Variants in CNTLN observed in about 807,000 individuals in gnomAD.
The protein encoded by CNTLN is centlein.
A neutral mutation model predicts 180.0 loss-of-function variants in CNTLN; 212 were observed. That is an observed-to-expected ratio of 1.18 (90% CI 1.05 to 1.32). The LOEUF (loss-of-function observed/expected upper bound fraction) is 1.32, where lower values mean the gene tolerates loss of function less well. CNTLN is among the 40% of genes most tolerant of loss of function. The pLI is 0.00. For synonymous variants in CNTLN, 722 were observed against 563.1 expected (o/e 1.28, Z -3.99); for missense variants, 2,095 against 1,610.9 (o/e 1.30, Z -5.14).
intron 5 of CNTLN, among the ~76,000 whole-genome samples, chr9:17,243,960 A>G (rs1283245215): frequency 2.0e-5 from 3 of 151,912 alleles, no homozygotes; most frequent in Non-Finnish European, 4.4e-5. Flanking sequence ...AGCTATAATA[A>G]TATTTTCTTT....
At chr9:17,505,881 A>G (rs538222554), downstream of CNTLN, among the ~76,000 whole-genome samples, 3 of 152,128 alleles carry the variant, frequency 2.0e-5, no homozygotes, top group Non-Finnish European at 4.4e-5. Context: ...GGTGTATTAA[A>G]TAGCTACACT....
intron 5 of CNTLN, among the ~76,000 whole-genome samples, chr9:17,270,190 C>G (rs910075572): frequency 2.6e-5 from 4 of 151,954 alleles, no homozygotes; most frequent in African/African-American, 9.6e-5. Flanking sequence ...TAATATAAAA[C>G]CAGTTTGTTC....
chr9:17,472,187 C>T (rs1832074465), intron 23 of CNTLN, among the ~76,000 whole-genome samples: 1 of 152,086 alleles, frequency 6.6e-6, no homozygotes, highest in South Asian at 2.1e-4. Context: ...GCTTATACTT[C>T]ATTTAGGTAC....
chr9:17,433,038 A>AC (rs34473628), intron 18 of CNTLN, among the ~76,000 whole-genome samples: 8 of 150,500 alleles, frequency 5.3e-5, no homozygotes. Context: ...AAAAAAAAAA[A>AC]CAAAGATTAG....
chr9:17,522,582 C>T, the CNTLN span, among the ~76,000 whole-genome samples: 1 of 152,214 alleles, frequency 6.6e-6, no homozygotes, highest in East Asian at 1.9e-4. Context: ...TTTGAAACTA[C>T]AGTACAGCCT....
At chr9:17,408,228 G>A (rs1423047126) in intron 15 of CNTLN, among the ~76,000 whole-genome samples, 1 of 151,386 alleles carries the variant, frequency 6.6e-6, no homozygotes, top group African/African-American at 2.4e-5. Context: ...ATTCTTCATG[G>A]TGTCTCAAGC....
chr9:17,439,910 C>A (rs565516282), intron 18 of CNTLN, among the ~76,000 whole-genome samples: 7 of 152,202 alleles, frequency 4.6e-5, no homozygotes, highest in Non-Finnish European at 8.8e-5. Context: ...GGACTTCCCA[C>A]CATCCAGATC....
At chr9:17,523,204 C>T in the CNTLN span, among the ~76,000 whole-genome samples, 2 of 152,100 alleles carry the variant, frequency 1.3e-5, no homozygotes, top group Non-Finnish European at 2.9e-5. Flanking sequence ...AGAACGTGAA[C>T]AGGGGTTTTA....
intron 15 of CNTLN, among the ~76,000 whole-genome samples, chr9:17,398,776 G>T (rs1826733590): frequency 6.6e-6 from 1 of 152,080 alleles, no homozygotes; most frequent in Non-Finnish European, 1.5e-5. Context: ...GATTATAAAG[G>T]GTTGCAAAAC....
intron 8 of CNTLN, among the ~76,000 whole-genome samples, chr9:17,327,953 CA>C (rs1040529323): frequency 6.7e-6 from 1 of 148,792 alleles, no homozygotes; most frequent in Non-Finnish European, 1.5e-5. Flanking sequence ...AACTCCGTCT[CA>C]AAAAAGAAAA....
chr9:17,203,254 C>T (rs534302554), intron 2 of CNTLN, among the ~76,000 whole-genome samples: 36 of 152,178 alleles, frequency 2.4e-4, no homozygotes, highest in African/African-American at 7.2e-4. Flanking sequence ...CCTTTCTCTC[C>T]GGCTGCACTT....
chr9:17,240,139 T>C (rs920605888), intron 5 of CNTLN, among the ~76,000 whole-genome samples: 5 of 152,122 alleles, frequency 3.3e-5, no homozygotes, highest in Admixed American at 2.0e-4. Context: ...TTTTTTCAGT[T>C]GTTTTGTAGC....
intron 8 of CNTLN, among the ~76,000 whole-genome samples, chr9:17,329,941 A>T (rs1274211644): frequency 1.3e-5 from 2 of 151,928 alleles, no homozygotes; most frequent in Non-Finnish European, 2.9e-5. Flanking sequence ...TGAAACAGCG[A>T]ATTTGCATGG....
chr9:17,457,189 T>TA (rs1322320805), intron 18 of CNTLN, among the ~76,000 whole-genome samples: 1 of 152,148 alleles, frequency 6.6e-6, no homozygotes, highest in East Asian at 1.9e-4. Flanking sequence ...AGTTAAGTAC[T>TA]ACATCAGCTC....
At chr9:17,524,989 C>T in the CNTLN span, among the ~76,000 whole-genome samples, 1 of 152,134 alleles carries the variant, frequency 6.6e-6, no homozygotes, top group African/African-American at 2.4e-5. Flanking sequence ...CACTCTGTGA[C>T]CATCAGAAAT....
chr9:17,183,701 A>G (rs1821259710), intron 2 of CNTLN, among the ~76,000 whole-genome samples: 1 of 152,080 alleles, frequency 6.6e-6, no homozygotes, highest in Admixed American at 6.5e-5. Context: ...CAAATGAACT[A>G]GATATAATTA....
chr9:17,276,706 C>G (rs1299667631), intron 6 of CNTLN, among the ~76,000 whole-genome samples: 1 of 151,808 alleles, frequency 6.6e-6, no homozygotes, highest in African/African-American at 2.4e-5. Flanking sequence ...ATGCTCAAGC[C>G]CTTGATATAA....
intron 18 of CNTLN, among the ~76,000 whole-genome samples, chr9:17,454,882 C>G (rs1438290828): frequency 1.3e-5 from 2 of 152,068 alleles, no homozygotes; most frequent in Non-Finnish European, 2.9e-5. Flanking sequence ...GACTTAAATG[C>G]TTATAAATAT....
At chr9:17,406,584 C>G (rs1827409875) in intron 15 of CNTLN, among the ~76,000 whole-genome samples, 1 of 151,660 alleles carries the variant, frequency 6.6e-6, no homozygotes, top group African/African-American at 2.4e-5. Context: ...AATTTGGATT[C>G]CTTCCTCTTA....
Sources: gnomAD v4.1 joint callset for allele counts (sites outside exome capture counted in the v4.1 genomes callset) on GRCh38, gnomAD v4.1.1 for gene constraint, MANE v1.5 for transcripts, NCBI Gene and HGNC (gene_info 2026-07-23, HGNC 2026-07-21) for gene names.